Variants in PLCG1 observed in about 807,000 individuals in gnomAD.
PLCG1 encodes the protein phospholipase C gamma 1, also known as 1-phosphatidylinositol 4,5-bisphosphate phosphodiesterase gamma-1.
Under a neutral mutation model 177.8 loss-of-function variants are expected in PLCG1, and 71 were observed. The ratio of observed to expected loss-of-function variants is 0.40; its 90% CI spans 0.33 to 0.49. PLCG1 has a LOEUF of 0.49. Among genes scored for constraint, PLCG1 ranks in the 20% least tolerant of loss-of-function variants. PLCG1 has a pLI of 0.72. For missense variants in PLCG1, 1,281 were observed against 1,709.0 expected (o/e 0.75, Z 4.42); for synonymous variants, 658 against 647.9 (o/e 1.02, Z -0.24).
Position 41,164,057 on chromosome 20 carries a change from G to A in PLCG1, c.1097-24G>A. On this transcript the variant is annotated intron_variant, in intron 11 of 31. Transcript: ENST00000685551. The surrounding 1 kb of genome is among the most constrained non-coding windows in gnomAD (Gnocchi z 6.4). ...GGGAAGATGGGAGGCCTGCCCGCTT[G>A]ACCATGGTGATGTTGCTCCCCAGTG... The A allele has an allele frequency of 6.2e-7, 1 of 1,614,156 alleles. No homozygotes were observed. The highest frequency in any genetic ancestry group is 8.5e-7 in the Non-Finnish European group (1 of 1,180,020).
Position 41,146,165 on chromosome 20 carries a change from G to T in PLCG1, c.217+8307G>T, listed in dbSNP as rs2034990066. On this transcript the variant is annotated intron_variant, in intron 1 of 31. Coordinates refer to ENST00000685551, the MANE Select transcript of PLCG1 (RefSeq NM_002660.3). The surrounding 1 kb of genome is among the most constrained non-coding windows in gnomAD (Gnocchi z 6.3). ...CGGGGCAGGGCGTTCTCCTACAGAA[G>T]ACTGGCATCCCTTTTTACTGAGCCC... Among the ~76,000 whole-genome samples the T allele has an allele frequency of 6.6e-6, 1 of 152,222 alleles. No homozygotes were observed. The highest frequency in any genetic ancestry group is 6.5e-5 in the Admixed American group (1 of 15,288).
chr20:41,149,178 C>T (rs1388428182), intron 1 of PLCG1, among the ~76,000 whole-genome samples: 1 of 152,232 alleles, frequency 6.6e-6, no homozygotes, highest in Non-Finnish European at 1.5e-5. Flanking sequence ...TCCTCTACTT[C>T]TCAGCTTCTT....
intron 1 of PLCG1, among the ~76,000 whole-genome samples, chr20:41,145,449 C>T (rs1173404431): frequency 6.6e-6 from 1 of 152,140 alleles, no homozygotes; most frequent in Non-Finnish European, 1.5e-5. Flanking sequence ...ATTTGTGTGG[C>T]CCTTGCCTAA....
At position 41,148,586 on chromosome 20, in the gene PLCG1, T is replaced by C. The variant is rs1482522910; in HGVS notation, c.217+10728T>C. 1.3e-5 allele frequency among the ~76,000 whole-genome samples: 2 copies of C among 152,140 alleles called. No homozygotes were observed. The highest frequency in any genetic ancestry group is 3.8e-4 in the East Asian group (2 of 5,204). ...ATATAGCAGTGATGCTTTCATAGTA[T>C]TTTTCTTGAATAAGGTCCCCAAAAC... On this transcript the variant is annotated intron_variant, in intron 1 of 31. Transcript: ENST00000685551. This position sits in a 1 kb window ranked among gnomAD's most constrained non-coding sequence, Gnocchi z 4.3.
chr20:41,171,791 C>T (rs1053463740), intron 24 of PLCG1, among the ~76,000 whole-genome samples: 1 of 152,068 alleles, frequency 6.6e-6, no homozygotes, highest in Non-Finnish European at 1.5e-5. Context: ...CCTGTATCCC[C>T]AGTGCAGTCA....
Position 41,165,408 on chromosome 20 carries a change from G to A in PLCG1, c.1509+41G>A, listed in dbSNP as rs547790432. ...GGCTGGGGGTGGTAGGCCAGTGGGT[G>A]TGAGGACCCTGGCTCACAAGTCCCT... On this transcript the variant is annotated intron_variant, in intron 14 of 31. Coordinates refer to ENST00000685551, the MANE Select transcript of PLCG1 (RefSeq NM_002660.3). The surrounding 1 kb of genome is among the most constrained non-coding windows in gnomAD (Gnocchi z 6.6). The A allele has an allele frequency of 1.4e-5, 23 of 1,613,814 alleles. No individual in the cohort carries two copies. Among genetic ancestry groups the A allele is most frequent in the East Asian group, 4.5e-5 (2 of 44,876 alleles).
chr20:41,142,988 G>C (rs1414241749), intron 1 of PLCG1, among the ~76,000 whole-genome samples: 2 of 152,164 alleles, frequency 1.3e-5, no homozygotes, highest in East Asian at 3.8e-4. Flanking sequence ...AGGCAAGGAG[G>C]CCCGCCCATC....
rs558215724 is a variant in PLCG1 at position 41,175,792 on chromosome 20, G to A, written c.*1283G>A. The A allele has an allele frequency of 2.6e-5, 4 of 152,732 alleles. No individual in the cohort carries two copies. Among genetic ancestry groups the A allele is most frequent in the Admixed American group, 6.5e-5 (1 of 15,306 alleles). 9.5% of individuals were successfully genotyped at this position (152,732 alleles called of 1,614,324 possible). On this transcript the variant is annotated 3_prime_UTR_variant, in exon 32 of 32. Coordinates refer to ENST00000685551, the MANE Select transcript of PLCG1 (RefSeq NM_002660.3). ...TGGGACATGCTCACTAGAAACAGTC[G>A]CCAGATGATTATTCTGCAGTAGAAG...
intron 22 of PLCG1, 25 bp from the exon 23 acceptor site, chr20:41,169,432 C>T (rs767785577): frequency 1.3e-6 from 2 of 1,581,268 alleles, no homozygotes; most frequent in South Asian, 1.1e-5. Flanking sequence ...CCATGCTGAC[C>T]ATTGGTGGGC....
chr20:41,140,189 A>G (rs1011597505), intron 1 of PLCG1, among the ~76,000 whole-genome samples: 1 of 152,126 alleles, frequency 6.6e-6, no homozygotes, highest in Non-Finnish European at 1.5e-5. Context: ...TAGGCAGAGG[A>G]TGTAGGAGGA....
intron 1 of PLCG1, among the ~76,000 whole-genome samples, chr20:41,138,268 T>C (rs1600622234): frequency 1.3e-5 from 2 of 151,402 alleles, no homozygotes; most frequent in East Asian, 3.9e-4. Flanking sequence ...CCACTCTTTA[T>C]CCAGAAAGAG....
At position 41,151,777 on chromosome 20, in the gene PLCG1, T is replaced by A. The variant is rs890032670; in HGVS notation, c.218-7829T>A. ...TGGCTACTATTGCATCAGGCTTCCTTCCCACCTGTGTCCAGGTCCTATCTT... is the reference window on the plus strand; with the variant it reads ...TGGCTACTATTGCATCAGGCTTCCTACCCACCTGTGTCCAGGTCCTATCTT... On this transcript the variant is annotated intron_variant, in intron 1 of 31. Transcript: ENST00000685551. The surrounding 1 kb of genome is among the most constrained non-coding windows in gnomAD (Gnocchi z 5.5). 6.6e-6 allele frequency among the ~76,000 whole-genome samples: 1 copy of A among 152,226 alleles called. No homozygotes were observed. The highest frequency in any genetic ancestry group is 1.5e-5 in the Non-Finnish European group (1 of 68,034).
At chr20:41,171,586 CAAAAAA>C (rs71844995) in intron 24 of PLCG1, among the ~76,000 whole-genome samples, 1 of 64,094 alleles carries the variant, frequency 1.6e-5, no homozygotes, top group Non-Finnish European at 2.9e-5. Context: ...GACTCTGTCT[CAAAAAA>C]AAAAAAAAAA....
chr20:41,169,328 C>T (rs2035816443), intron 22 of PLCG1, 129 bp from the exon 23 acceptor site: 2 of 930,370 alleles, frequency 2.1e-6, no homozygotes. Flanking sequence ...CGTAGTCTCC[C>T]ATATACCTGT....
chr20:41,155,014 A>T (rs1455668380), intron 1 of PLCG1, among the ~76,000 whole-genome samples: 1 of 152,208 alleles, frequency 6.6e-6, no homozygotes, highest in Non-Finnish European at 1.5e-5. Flanking sequence ...GCTCTGAGTA[A>T]CTGCTGGTCT....
chr20:41,169,257 C>A, intron 22 of PLCG1, 82 bp downstream of exon 22: 1 of 1,104,000 alleles, frequency 9.1e-7, no homozygotes, highest in Non-Finnish European at 1.4e-6. Flanking sequence ...GTCCCAAGCA[C>A]GCACGTGCAT....
Position 41,163,964 on chromosome 20 carries a change from G to A in PLCG1, c.1054G>A (p.Ala352Thr), listed in dbSNP as rs1285670875. The change falls in exon 11 of 32, where the codon GCC (alanine) becomes ACC (threonine). Residue 352 changes from alanine (A) to threonine (T), a missense_variant. Transcript: ENST00000685551. The surrounding 1 kb of genome is among the most constrained non-coding windows in gnomAD (Gnocchi z 5.2). ...GTTCTCCAGTGAGTCCTCCTTGGAA[G>A]CCTATGCTCGCTGCCTGCGGATGGG... ...DQFSSESSLE[A>T]YARCLRMGCR... 7 of 1,614,240 alleles carry A rather than the reference G, an allele frequency of 4.3e-6. No homozygotes were observed. The highest frequency in any genetic ancestry group is 5.9e-6 in the Non-Finnish European group (7 of 1,180,044).
rs757416143 is a variant in PLCG1 at position 41,175,157 on chromosome 20, G to A, written c.*648G>A. On this transcript the variant is annotated 3_prime_UTR_variant, in exon 32 of 32. Coordinates refer to ENST00000685551, the MANE Select transcript of PLCG1 (RefSeq NM_002660.3). ...GTTAAAAATAGCAGTATTATTTTTC[G>A]TCTCAATGGTATTGTAACTAAGTTA... 7 of 152,698 alleles carry A rather than the reference G, an allele frequency of 4.6e-5. No individual in the cohort carries two copies. The highest frequency in any genetic ancestry group is 1.2e-4 in the African/African-American group (5 of 41,426). The allele number at this position is 152,698 out of a possible 1,614,324, so 9.5% of individuals were successfully genotyped here. A position where few individuals can be genotyped will look rare whatever the true frequency, so the allele number is the denominator to read the frequency against.
At chr20:41,168,566 C>A (rs1326385389) in intron 20 of PLCG1, among the ~76,000 whole-genome samples, 2 of 152,348 alleles carry the variant, frequency 1.3e-5, no homozygotes, top group African/African-American at 4.8e-5. Flanking sequence ...GGCCCTGCCT[C>A]TCTGATCATA....
Sources: gnomAD v4.1 joint callset for allele counts (sites outside exome capture counted in the v4.1 genomes callset) on GRCh38, gnomAD v4.1.1 for gene constraint, Gnocchi (gnomAD v3.1) non-coding constraint, MANE v1.5 for transcripts, NCBI Gene and HGNC (gene_info 2026-07-23, HGNC 2026-07-21) for gene names.